The following MAPK10 variants were observed in gnomAD, a reference collection of about 807,000 sequenced individuals.
The protein encoded by MAPK10 is mitogen-activated protein kinase 10.
MAPK10 carries 25 observed loss-of-function variants against 59.3 expected under a neutral mutation model. The ratio of observed to expected loss-of-function variants is 0.42; its 90% CI spans 0.31 to 0.59. MAPK10 has a LOEUF of 0.59. Ranked by LOEUF, MAPK10 falls within the 20% of genes least tolerant of loss-of-function variation. The probability of loss-of-function intolerance (pLI) is 0.15; values close to 1 mark genes in which losing one functional copy is unlikely to be tolerated. For missense variants in MAPK10, 351 were observed against 568.9 expected (o/e 0.62, Z 3.90); for synonymous variants, 190 against 200.5 (o/e 0.95, Z 0.44).
At position 86,218,973 on chromosome 4, in the gene MAPK10, C is replaced by A. The variant is rs114610936; in HGVS notation, c.-6-24566G>T. 5.1e-3 allele frequency among the ~76,000 whole-genome samples: 771 copies of A among 152,302 alleles called. 7 individuals are homozygous for A. The highest frequency in any genetic ancestry group is 0.018 in the African/African-American group (731 of 41,572). On this transcript the variant is annotated intron_variant, in intron 2 of 13. Coordinates refer to ENST00000641462, the MANE Select transcript of MAPK10 (RefSeq NM_138982.4). ...TACCCAGGGCTTCCAGCCAACTCTT[C>A]TTGTAGGGAGGAATTCATCATGACA...
chr4:86,077,396 G>T (rs2049721585), intron 9 of MAPK10, among the ~76,000 whole-genome samples: 2 of 152,160 alleles, frequency 1.3e-5, no homozygotes, highest in South Asian at 2.1e-4. Flanking sequence ...CAATTTTTGG[G>T]CCTCTCATTT....
At position 86,175,012 on chromosome 4, in the gene MAPK10, A is replaced by T. The variant is rs180864870; in HGVS notation, c.67-15545T>A. 2.9e-3 allele frequency among the ~76,000 whole-genome samples: 443 copies of T among 152,246 alleles called. 4 individuals are homozygous for T. Among genetic ancestry groups the T allele is most frequent in the African/African-American group, 0.01 (432 of 41,542 alleles). On this transcript the variant is annotated intron_variant, in intron 3 of 13. Coordinates refer to ENST00000641462, the MANE Select transcript of MAPK10 (RefSeq NM_138982.4). ...ATCACACTGAATTTTACACCTTTTGATCTACACATTCACAATTTGTCTGCA... is the reference window on the plus strand; with the variant it reads ...ATCACACTGAATTTTACACCTTTTGTTCTACACATTCACAATTTGTCTGCA...
At chr4:86,403,763 A>G (rs796581976) in intron 1 of MAPK10, among the ~76,000 whole-genome samples, 22 of 152,214 alleles carry the variant, frequency 1.4e-4, no homozygotes, top group African/African-American at 5.1e-4. Flanking sequence ...TATCATGAGA[A>G]CAGCATGGGG....
chr4:86,143,249 T>C (rs1198755724), intron 4 of MAPK10, among the ~76,000 whole-genome samples: 1 of 152,162 alleles, frequency 6.6e-6, no homozygotes, highest in African/African-American at 2.4e-5. Context: ...ATGACCTCCA[T>C]CTGGTCCCAC....
intron 1 of MAPK10, among the ~76,000 whole-genome samples, chr4:86,538,559 T>C (rs768995512): frequency 3.3e-5 from 5 of 152,232 alleles, no homozygotes; most frequent in Non-Finnish European, 5.9e-5. Context: ...CTCTTCCATA[T>C]AAATTTTAGA....
chr4:86,210,167 A>G lies in MAPK10; in HGVS notation c.-6-15760T>C, dbSNP rs115320690. On this transcript the variant is annotated intron_variant, in intron 2 of 13. Transcript: ENST00000641462. The stretch of plus-strand genomic sequence containing the variant: ...CTTAAATGTAAGACCTCAAACTATA[A>G]AAGTTCTATAGGAAAATTTTGGGGA... 5.5e-3 allele frequency among the ~76,000 whole-genome samples: 842 copies of G among 152,246 alleles called. 9 individuals carry two copies. Among genetic ancestry groups the G allele is most frequent in the African/African-American group, 0.019 (809 of 41,562 alleles).
chr4:86,558,422 G>A (rs978480038), intron 1 of MAPK10, among the ~76,000 whole-genome samples: 1 of 152,072 alleles, frequency 6.6e-6, no homozygotes, highest in African/African-American at 2.4e-5. Context: ...CCCCTCTGAG[G>A]CAGGTTGGTA....
At chr4:86,297,886 A>G (rs138700695) in intron 2 of MAPK10, among the ~76,000 whole-genome samples, 7 of 152,330 alleles carry the variant, frequency 4.6e-5, no homozygotes, top group Admixed American at 1.3e-4. Context: ...CTAAGATGGC[A>G]TAGAAGATCT....
At chr4:86,111,544 T>C (rs1238671134) in intron 4 of MAPK10, among the ~76,000 whole-genome samples, 1 of 152,240 alleles carries the variant, frequency 6.6e-6, no homozygotes. Flanking sequence ...GATTTGCGTA[T>C]GTTAAACCAG....
At chr4:86,252,200 G>T (rs1440184209) in intron 2 of MAPK10, among the ~76,000 whole-genome samples, 1 of 125,604 alleles carries the variant, frequency 8.0e-6, no homozygotes, top group East Asian at 2.0e-4. Flanking sequence ...GTCAATTTTG[G>T]CTTTGGTTGC....
intron 13 of MAPK10, among the ~76,000 whole-genome samples, chr4:86,019,632 C>G (rs1490988637): frequency 6.6e-6 from 1 of 152,080 alleles, no homozygotes; most frequent in Non-Finnish European, 1.5e-5. Context: ...TTAAATTATA[C>G]CAATATCCTT....
chr4:86,549,262 T>G (rs530781570), intron 1 of MAPK10, among the ~76,000 whole-genome samples: 1 of 152,326 alleles, frequency 6.6e-6, no homozygotes, highest in Admixed American at 6.5e-5. Flanking sequence ...TCCTTCCAAA[T>G]GCATTGTTAA....
At chr4:86,329,228 A>G (rs935304780) in intron 2 of MAPK10, among the ~76,000 whole-genome samples, 3 of 152,196 alleles carry the variant, frequency 2.0e-5, no homozygotes, top group Admixed American at 2.0e-4. Flanking sequence ...AGCACAAAAT[A>G]GACTAAGACA....
chr4:86,432,104 A>G (rs1238448594), intron 1 of MAPK10, among the ~76,000 whole-genome samples: 1 of 152,138 alleles, frequency 6.6e-6, no homozygotes, highest in Non-Finnish European at 1.5e-5. Flanking sequence ...CTAGAGAAGA[A>G]AGCCTAATGG....
intron 1 of MAPK10, among the ~76,000 whole-genome samples, chr4:86,527,308 T>C (rs1757532635): frequency 1.4e-5 from 1 of 69,094 alleles, no homozygotes; most frequent in Non-Finnish European, 3.2e-5. Flanking sequence ...TGAGACACTG[T>C]TGCCAAAAAA....
At chr4:86,077,955 G>A (rs1232592981) in intron 9 of MAPK10, among the ~76,000 whole-genome samples, 1 of 152,128 alleles carries the variant, frequency 6.6e-6, no homozygotes, top group Non-Finnish European at 1.5e-5. Flanking sequence ...GGAAATTGAA[G>A]CACATATGCC....
At chr4:86,132,022 C>G (rs796208137) in intron 4 of MAPK10, among the ~76,000 whole-genome samples, 13 of 152,264 alleles carry the variant, frequency 8.5e-5, no homozygotes, top group African/African-American at 2.2e-4. Context: ...CACTGCTGGT[C>G]CTAGTCCATA....
At chr4:86,506,367 C>T (rs1311850855) in intron 1 of MAPK10, among the ~76,000 whole-genome samples, 1 of 152,084 alleles carries the variant, frequency 6.6e-6, no homozygotes, top group Non-Finnish European at 1.5e-5. Context: ...GGTCTTGGTT[C>T]AAATTGTATT....
intron 9 of MAPK10, among the ~76,000 whole-genome samples, chr4:86,096,401 G>T (rs867850567): frequency 9.9e-5 from 15 of 151,672 alleles, no homozygotes; most frequent in African/African-American, 2.7e-4. Flanking sequence ...AAAACTTTTT[G>T]CTTTTTTTCT....
Sources: gnomAD v4.1 joint callset for allele counts (sites outside exome capture counted in the v4.1 genomes callset) on GRCh38, gnomAD v4.1.1 for gene constraint, MANE v1.5 for transcripts, NCBI Gene and HGNC (gene_info 2026-07-23, HGNC 2026-07-21) for gene names.